OPCML: variants seen among roughly 807,000 people sequenced by gnomAD.
OPCML encodes the protein opioid binding protein/cell adhesion molecule like.
Under a neutral mutation model 37.8 loss-of-function variants are expected in OPCML, and 13 were observed. The observed-to-expected ratio is 0.34, with a 90% CI of 0.22 to 0.55. The LOEUF (loss-of-function observed/expected upper bound fraction) is 0.55. Among genes scored for constraint, OPCML ranks in the 20% least tolerant of loss-of-function variants. OPCML has a pLI of 0.91. For synonymous variants in OPCML, 176 were observed against 168.8 expected, an observed-to-expected ratio of 1.04 and a Z score of -0.33; for missense variants, 341 against 435.6, an observed-to-expected ratio of 0.78 and a Z score of 1.93.
At chr11:133,318,142 G>A (rs979042489) in intron 1 of OPCML, among the ~76,000 whole-genome samples, 8 of 152,140 alleles carry the variant, frequency 5.3e-5, no homozygotes, top group East Asian at 1.9e-4. Flanking sequence ...TCCATCACAC[G>A]CTTTGTGCTG....
intron 1 of OPCML, among the ~76,000 whole-genome samples, chr11:133,098,166 C>T (rs371944349): frequency 1.1e-4 from 16 of 151,804 alleles, no homozygotes; most frequent in East Asian, 3.9e-4. Flanking sequence ...AAGAAATATA[C>T]GCTGCTACCA....
intron 1 of OPCML, among the ~76,000 whole-genome samples, chr11:132,985,798 C>T (rs1055437143): frequency 2.0e-5 from 3 of 152,196 alleles, no homozygotes; most frequent in Non-Finnish European, 4.4e-5. Flanking sequence ...ATCTGCTTTT[C>T]TCTGCTTCTC....
chr11:133,181,544 A>G (rs1280167760), intron 1 of OPCML, among the ~76,000 whole-genome samples: 2 of 152,246 alleles, frequency 1.3e-5, no homozygotes, highest in South Asian at 2.1e-4. Flanking sequence ...AAATATTCTC[A>G]AAACCAAACT....
chr11:132,462,580 G>T (rs1458182307), intron 4 of OPCML, among the ~76,000 whole-genome samples: 1 of 152,192 alleles, frequency 6.6e-6, no homozygotes, highest in Non-Finnish European at 1.5e-5. Flanking sequence ...TTTGCTTCCT[G>T]GCTAGAGTCT....
At chr11:133,483,330 A>G (rs987395269) in intron 1 of OPCML, among the ~76,000 whole-genome samples, 4 of 152,140 alleles carry the variant, frequency 2.6e-5, no homozygotes, top group Admixed American at 2.6e-4. Flanking sequence ...AGATAGATAG[A>G]TAGATAGATA....
intron 1 of OPCML, among the ~76,000 whole-genome samples, chr11:132,975,730 T>A (rs1380101399): frequency 1.3e-5 from 2 of 152,130 alleles, no homozygotes; most frequent in Non-Finnish European, 1.5e-5. Flanking sequence ...TGCCAAGATC[T>A]GTCCACATAG....
At chr11:133,518,878 C>T (rs1948345546) in intron 1 of OPCML, among the ~76,000 whole-genome samples, 1 of 151,752 alleles carries the variant, frequency 6.6e-6, no homozygotes, top group East Asian at 1.9e-4. Flanking sequence ...TGTGCCCGCC[C>T]CCTAGGGTTC....
chr11:133,163,988 A>G (rs1950177488), intron 1 of OPCML, among the ~76,000 whole-genome samples: 1 of 152,184 alleles, frequency 6.6e-6, no homozygotes, highest in Non-Finnish European at 1.5e-5. Flanking sequence ...CCCTCTACCA[A>G]TAAGGGGTTG....
At chr11:132,877,443 C>G (rs1943062305) in intron 2 of OPCML, among the ~76,000 whole-genome samples, 1 of 152,186 alleles carries the variant, frequency 6.6e-6, no homozygotes. Flanking sequence ...AGCTTTGCTA[C>G]CAATGAATTG....
intron 2 of OPCML, among the ~76,000 whole-genome samples, chr11:132,687,022 G>T (rs1285444272): frequency 5.6e-4 from 1 of 1,798 alleles, no homozygotes; most frequent in Admixed American, 0.01. Context: ...CTAGCTAGCT[G>T]AAGTCACACA....
At chr11:132,687,369 CAT>C (rs56834972) in intron 2 of OPCML, among the ~76,000 whole-genome samples, 17 of 49,408 alleles carry the variant, frequency 3.4e-4, no homozygotes, top group Admixed American at 6.1e-4. Flanking sequence ...CCTTAAGCTA[CAT>C]ATATATATAT....
At chr11:132,870,202 C>G (rs1215553776) in intron 2 of OPCML, among the ~76,000 whole-genome samples, 4 of 152,268 alleles carry the variant, frequency 2.6e-5, no homozygotes, top group Non-Finnish European at 5.9e-5. Context: ...TGAGTTCAGA[C>G]AGTCAGCTTG....
chr11:133,412,464 G>A (rs1945670975), intron 1 of OPCML, among the ~76,000 whole-genome samples: 1 of 152,192 alleles, frequency 6.6e-6, no homozygotes, highest in Non-Finnish European at 1.5e-5. Context: ...CACTTTAGAG[G>A]TGGATGCAGA....
chr11:133,420,194 C>CT (rs912573903), intron 1 of OPCML: 30,694 of 665,704 alleles, frequency 0.046, no homozygotes, highest in Non-Finnish European at 0.052. Context: ...CACACAAGTA[C>CT]TTTTTTTTTT....
At chr11:133,120,183 T>G (rs1363408187) in intron 1 of OPCML, among the ~76,000 whole-genome samples, 1 of 152,216 alleles carries the variant, frequency 6.6e-6, no homozygotes, top group Non-Finnish European at 1.5e-5. Flanking sequence ...TACATGTATA[T>G]GTGTGTATAC....
rs1179253443 is a variant in OPCML at position 132,978,958 on chromosome 11, C to T, written c.62-35948G>A. ...CAAACCCCAACTCCTCATGTCATCC[C>T]GTTCCCAACTCACAGCCCCCACATG... On this transcript the variant is annotated intron_variant, in intron 1 of 7. Coordinates refer to ENST00000524381, the MANE Select transcript of OPCML (RefSeq NM_001012393.5). Among the ~76,000 whole-genome samples, 5 of 152,232 alleles carry T rather than the reference C, an allele frequency of 3.3e-5. No individual in the cohort carries two copies. In the East Asian group the frequency reaches 7.7e-4, roughly 24 times the overall value.
intron 3 of OPCML, among the ~76,000 whole-genome samples, chr11:132,583,296 T>C (rs577148269): frequency 6.6e-6 from 1 of 152,044 alleles, no homozygotes; most frequent in East Asian, 1.9e-4. Context: ...GGCTATTTTT[T>C]GTTTGTTTGT....
intron 1 of OPCML, among the ~76,000 whole-genome samples, chr11:133,318,460 G>C (rs1258196270): frequency 6.6e-6 from 1 of 151,416 alleles, no homozygotes; most frequent in Admixed American, 6.6e-5. Context: ...AGTTAGAATC[G>C]CCATGACCCC....
At chr11:133,008,101 T>G (rs1947146907) in intron 1 of OPCML, 3 of 985,342 alleles carry the variant, frequency 3.0e-6, no homozygotes, top group Non-Finnish European at 3.6e-6. Context: ...GGTTTTCACC[T>G]TCTACTATGG....
Sources: allele counts gnomAD v4.1 joint callset (sites outside exome capture counted in the v4.1 genomes callset), GRCh38; gene constraint gnomAD v4.1.1; transcripts MANE v1.5; gene names NCBI Gene and HGNC (gene_info 2026-07-23, HGNC 2026-07-21).